The following PHLPP2 variants were observed in gnomAD, a reference collection of about 807,000 sequenced individuals.
PHLPP2 encodes the protein PH domain leucine-rich repeat-containing protein phosphatase 2.
A neutral mutation model predicts 124.9 loss-of-function variants in PHLPP2; 66 were observed. That is an observed-to-expected ratio of 0.53 (90% CI 0.43 to 0.65). The LOEUF (loss-of-function observed/expected upper bound fraction) is 0.65, where lower values mean the gene tolerates loss of function less well. Ranked by LOEUF, PHLPP2 falls within the 30% of genes least tolerant of loss-of-function variation. The pLI, the probability that PHLPP2 is intolerant of heterozygous loss-of-function variation, is 0.00. For synonymous variants in PHLPP2, 681 were observed against 624.7 expected (o/e 1.09, Z -1.34); for missense variants, 1,685 against 1,600.4 (o/e 1.05, Z -0.90).
At position 71,679,468 on chromosome 16, in the gene PHLPP2, C is replaced by T. The variant is rs535507220; in HGVS notation, c.958G>A (p.Glu320Lys). The change falls in exon 7 of 19, where the codon GAG (glutamate) becomes AAG (lysine). Residue 320 changes from glutamate to lysine, a missense_variant. Coordinates refer to ENST00000568954, the MANE Select transcript of PHLPP2 (RefSeq NM_015020.3). The part of the protein sequence containing the change: ...KLGLFPILLC[E>K]ISTLTELNLS... ...TTGAGCTCAGTCAGGGTAGAGATCT[C>T]GCATAACAATATAGGAAACAACCCA... is the stretch of plus-strand genomic sequence containing the variant. The T allele has an allele frequency of 7.4e-6, 12 of 1,613,476 alleles. No individual in the cohort carries two copies. The highest frequency in any genetic ancestry group is 2.2e-5 in the South Asian group (2 of 91,064).
chr16:71,712,635 C>A (rs565294774), intron 2 of PHLPP2, among the ~76,000 whole-genome samples: 1 of 152,136 alleles, frequency 6.6e-6, no homozygotes, highest in Admixed American at 6.5e-5. Flanking sequence ...CTGATCCTTT[C>A]GTTTTACAAA....
At chr16:71,668,011 C>T (rs1019765911) in intron 11 of PHLPP2, among the ~76,000 whole-genome samples, 1 of 152,192 alleles carries the variant, frequency 6.6e-6, no homozygotes, top group Non-Finnish European at 1.5e-5. Flanking sequence ...AAAATCCCAT[C>T]ATCTAGTAAA....
chr16:71,687,125 T>A (rs2045061865), intron 4 of PHLPP2, among the ~76,000 whole-genome samples: 2 of 152,236 alleles, frequency 1.3e-5, no homozygotes. Context: ...TCTAGTGGTG[T>A]GCCGTATCTC....
At position 71,649,319 on chromosome 16, in the gene PHLPP2, G is replaced by C. The variant is rs190779159; in HGVS notation, c.3543C>G (p.Asn1181Lys). Residue 1181 changes from asparagine (N) to lysine (K), a missense_variant, in exon 19 of 19, where the codon AAC (asparagine) becomes AAG (lysine). By Grantham distance (94) the Asn-to-Lys change is moderately conservative. Coordinates refer to ENST00000568954, the MANE Select transcript of PHLPP2 (RefSeq NM_015020.3). ...IHCCRGRDLE[N>K]SPPLIESSPT... ...GAGAACTCTCTATGAGAGGGGGTGA[G>C]TTCTCCAGATCCCTCCCCCTGCAGC... 11 of 1,613,796 alleles carry C rather than the reference G, an allele frequency of 6.8e-6. No homozygotes were observed. In the African/African-American group the frequency reaches 1.5e-4, roughly 22 times the overall value.
rs747492423 is a variant in PHLPP2, at chr16:71,648,993, T to A, written c.3869A>T (p.Glu1290Val). 1.7e-5 allele frequency: 28 copies of A among 1,614,060 alleles called. No individual in the cohort carries two copies. The highest frequency in any genetic ancestry group is 2.3e-5 in the Non-Finnish European group (27 of 1,179,970). ...GTGCTGTTTCATTTGTTCCTTCACT[T>A]CTTCTTCCAGGTCATGAGGCACAAC... ...QFVVPHDLEE[E>V]VKEQMKQHQD... The change falls in exon 19 of 19, where the codon GAA (glutamate) becomes GTA (valine). Residue 1290 changes from glutamate (E) to valine (V), a missense_variant. Coordinates refer to ENST00000568954, the MANE Select transcript of PHLPP2 (RefSeq NM_015020.3).
At chr16:71,711,303 C>G (rs1182403103) in intron 2 of PHLPP2, among the ~76,000 whole-genome samples, 1 of 151,600 alleles carries the variant, frequency 6.6e-6, no homozygotes, top group Non-Finnish European at 1.5e-5. Flanking sequence ...TGCACTCCAG[C>G]CTGGGCAACA....
chr16:71,649,023 T>C lies in PHLPP2; in HGVS notation c.3839A>G (p.Gln1280Arg), dbSNP rs755865525. 1 of 1,614,156 alleles carries C rather than the reference T, an allele frequency of 6.2e-7. No homozygotes were observed. Among genetic ancestry groups the C allele is most frequent in the Non-Finnish European group, 8.5e-7 (1 of 1,180,022 alleles). Residue 1280 changes from glutamine (Q) to arginine (R), a missense_variant, in exon 19 of 19, where the codon CAG (glutamine) becomes CGG (arginine). Physicochemically the swap from Gln to Arg is conservative, Grantham distance 43. Transcript: ENST00000568954. ...AAPTQMEPEDQFVVPHDLEEE... is the reference protein window; with the variant it reads ...AAPTQMEPEDRFVVPHDLEEE... ...TTCCAGGTCATGAGGCACAACAAAC[T>C]GGTCCTCTGGTTCCATCTGAGTGGG...
intron 2 of PHLPP2, among the ~76,000 whole-genome samples, chr16:71,708,768 A>C (rs2045303373): frequency 1.3e-5 from 2 of 152,194 alleles, no homozygotes; most frequent in Non-Finnish European, 2.9e-5. Flanking sequence ...CTTGGGCAAC[A>C]GAATGAGACT....
intron 2 of PHLPP2, among the ~76,000 whole-genome samples, chr16:71,713,739 T>C (rs1567630251): frequency 1.3e-5 from 2 of 152,194 alleles, no homozygotes; most frequent in African/African-American, 4.8e-5. Flanking sequence ...ATTTATAATA[T>C]ATGTAGAGAC....
chr16:71,686,096 ACT>A (rs1410283244), intron 4 of PHLPP2, among the ~76,000 whole-genome samples: 1 of 152,140 alleles, frequency 6.6e-6, no homozygotes. Context: ...ACAGAGCGAG[ACT>A]CTGTCTCAAA....
chr16:71,646,246 T>A lies in PHLPP2; in HGVS notation c.*2644A>T, dbSNP rs1488128578. On this transcript the variant is annotated 3_prime_UTR_variant, in exon 19 of 19. Coordinates refer to ENST00000568954, the MANE Select transcript of PHLPP2 (RefSeq NM_015020.3). Reference sequence around the variant, plus strand: ...TTGTATTATATTTTTCATAATGGGCTATGGCCTTTTTACCCTGTTTTAATA... The same window carrying A: ...TTGTATTATATTTTTCATAATGGGCAATGGCCTTTTTACCCTGTTTTAATA... The A allele has an allele frequency of 1.3e-5, 2 of 152,416 alleles. No homozygotes were observed. Among genetic ancestry groups the A allele is most frequent in the Non-Finnish European group, 2.9e-5 (2 of 68,046 alleles). 9.4% of individuals were successfully genotyped at this position (152,416 alleles called of 1,614,324 possible). A position where few individuals can be genotyped will look rare whatever the true frequency, so the allele number is the denominator to read the frequency against.
At chr16:71,697,518 C>A (rs1317834953) in intron 3 of PHLPP2, among the ~76,000 whole-genome samples, 1 of 152,168 alleles carries the variant, frequency 6.6e-6, no homozygotes, top group Non-Finnish European at 1.5e-5. Flanking sequence ...AATAGTATTG[C>A]CACACATTTC....
At chr16:71,723,646 G>A (rs2045412657) in intron 1 of PHLPP2, 2 of 403,914 alleles carry the variant, frequency 5.0e-6, no homozygotes, top group South Asian at 8.4e-5. Flanking sequence ...GGCGGGGGCC[G>A]CCGACTGCCT....
Position 71,649,499 on chromosome 16 carries a change from G to A in PHLPP2, c.3363C>T (p.His1121=). Residue 1121 remains histidine (H), a synonymous_variant, in exon 19 of 19, where the codon CAC becomes CAT. Transcript: ENST00000568954. ...GAAACAGCCCAGAGGTGGGTGTTGG[G>A]TGGAGGCTGCAGCGCCGCTCTGGCC... ...LPRPERRCSL[H]PTPTSGLFQR... is the part of the protein sequence containing the mutation. The A allele has an allele frequency of 4.3e-6, 7 of 1,614,170 alleles. No individual in the cohort carries two copies. The highest frequency in any genetic ancestry group is 5.1e-6 in the Non-Finnish European group (6 of 1,180,032).
intron 2 of PHLPP2, among the ~76,000 whole-genome samples, chr16:71,711,547 C>T (rs756516838): frequency 2.0e-5 from 3 of 152,122 alleles, no homozygotes; most frequent in Non-Finnish European, 2.9e-5. Context: ...ACTTAGTAGC[C>T]GATTGCACTT....
chr16:71,696,616 C>T (rs1292484354), intron 3 of PHLPP2, among the ~76,000 whole-genome samples: 1 of 150,724 alleles, frequency 6.6e-6, no homozygotes, highest in Non-Finnish European at 1.5e-5. Flanking sequence ...CGACACTGCA[C>T]TCCAGCCTGG....
rs191342701 is a variant in PHLPP2, at chr16:71,718,875, G to A, written c.-6-4074C>T. Among the ~76,000 whole-genome samples the A allele has an allele frequency of 9.2e-5, 14 of 152,266 alleles. 1 individual carries two copies. Among genetic ancestry groups the A allele is most frequent in the Admixed American group, 7.2e-4 (11 of 15,298 alleles). ...TCATTCTCTTAAACCTGACCGATGG[G>A]CACTTAAAAGGCCTGGATATTAAGC... On this transcript the variant is annotated intron_variant, in intron 1 of 18. Transcript: ENST00000568954.
intron 5 of PHLPP2, among the ~76,000 whole-genome samples, chr16:71,684,273 A>G (rs933279901): frequency 2.0e-5 from 3 of 150,800 alleles, no homozygotes; most frequent in Non-Finnish European, 4.4e-5. Context: ...CTACAGGTGC[A>G]TGCCACCACA....
chr16:71,714,375 G>T (rs2045343499), intron 2 of PHLPP2, 137 bp downstream of exon 2: 3 of 1,158,712 alleles, frequency 2.6e-6, no homozygotes, highest in Non-Finnish European at 3.4e-6. Context: ...AGCCTTCCAA[G>T]GACAAATCTT....
Sources: allele counts gnomAD v4.1 joint callset (sites outside exome capture counted in the v4.1 genomes callset), GRCh38; gene constraint gnomAD v4.1.1; transcripts MANE v1.5; gene names NCBI Gene and HGNC (gene_info 2026-07-23, HGNC 2026-07-21).